The following ZNF730 variants were observed in gnomAD, a reference collection of about 807,000 sequenced individuals.
The protein encoded by ZNF730 is putative zinc finger protein 730.
ZNF730 carries 12 observed loss-of-function variants against 12.6 expected under a neutral mutation model. That is an observed-to-expected ratio of 0.95 (90% confidence interval 0.61 to 1.54). The LOEUF is 1.54. ZNF730 is among the 40% of genes most tolerant of loss of function. The pLI is 0.00. For missense variants in ZNF730, 643 were observed against 583.5 expected (o/e 1.10, Z -1.05); for synonymous variants, 194 against 195.8 (o/e 0.99, Z 0.08).
At chr19:23,095,269 T>C (rs1293654239) in intron 1 of ZNF730, 1 of 397,252 alleles carries the variant, frequency 2.5e-6, no homozygotes. Flanking sequence ...ACAGGGGACA[T>C]TGTGTAATAT....
chr19:23,145,461 T>C lies in ZNF730; in HGVS notation c.417T>C (p.Thr139=). 6.4e-7 allele frequency: 1 copy of C among 1,570,068 alleles called. No individual in the cohort carries two copies. Among genetic ancestry groups the C allele is most frequent in the Non-Finnish European group, 8.6e-7 (1 of 1,159,438 alleles). The change falls in exon 4 of 4, where the codon ACT becomes ACC. Residue 139 remains threonine (T), a synonymous_variant. Coordinates refer to ENST00000597761, the MANE Select transcript of ZNF730 (RefSeq NM_001277403.2). Reference sequence around the variant, plus strand: ...ATAGACATAACCAGTGTTTGACAACTTCCCATAGCAAAATATTTCAGTGTG... The same window carrying C: ...ATAGACATAACCAGTGTTTGACAACCTCCCATAGCAAAATATTTCAGTGTG... ...GYNRHNQCLT[T]SHSKIFQCDK... is the part of the protein sequence containing the mutation.
At chr19:23,079,155 AT>A (rs1306839381) in intron 1 of ZNF730, among the ~76,000 whole-genome samples, 2 of 151,510 alleles carry the variant, frequency 1.3e-5, no homozygotes, top group Non-Finnish European at 2.9e-5. Context: ...TTATGACACA[AT>A]TTTTTCTAGG....
rs140673034 is a variant in ZNF730, at chr19:23,127,130, G to A, written c.4-6950G>A. 4.1e-3 allele frequency: 2,059 copies of A among 507,696 alleles called. 12 individuals are homozygous for A. The highest frequency in any genetic ancestry group is 7.1e-3 in the Non-Finnish European group (1,849 of 259,440). The allele number at this position is 507,696 out of a possible 1,614,324, so 31.4% of individuals were successfully genotyped here. A position where few individuals can be genotyped will look rare whatever the true frequency, so the allele number is the denominator to read the frequency against. On this transcript the variant is annotated intron_variant, in intron 1 of 3. Coordinates refer to ENST00000597761, the MANE Select transcript of ZNF730 (RefSeq NM_001277403.2). ...GAGTTAGCAGATGCATCCTTATCTC[G>A]GTTATGATATTCTAAAAGAAATGTT...
chr19:23,121,657 G>A (rs757421215), intron 1 of ZNF730, among the ~76,000 whole-genome samples: 2 of 152,134 alleles, frequency 1.3e-5, no homozygotes, highest in Non-Finnish European at 2.9e-5. Context: ...TTTTATTCAT[G>A]TGCGTGCATG....
intron 1 of ZNF730, among the ~76,000 whole-genome samples, chr19:23,122,436 T>A (rs1970610792): frequency 6.6e-6 from 1 of 152,098 alleles, no homozygotes; most frequent in African/African-American, 2.4e-5. Context: ...AGCCACCACA[T>A]CGGGCCGTTT....
intron 1 of ZNF730, among the ~76,000 whole-genome samples, chr19:23,124,520 TATC>T (rs1191728393): frequency 6.6e-6 from 1 of 152,194 alleles, no homozygotes; most frequent in Non-Finnish European, 1.5e-5. Flanking sequence ...CTGCCTGGCT[TATC>T]ATTGGGCAAT....
upstream of ZNF730, among the ~76,000 whole-genome samples, chr19:23,116,611 G>A (rs980011618): frequency 5.9e-5 from 8 of 135,528 alleles, no homozygotes; most frequent in African/African-American, 2.2e-4. Flanking sequence ...TAGTAGAGAC[G>A]GGGTTTCACT....
At chr19:23,136,227 AT>A in intron 3 of ZNF730, 184 bp downstream of exon 3, 1 of 358,398 alleles carries the variant, frequency 2.8e-6, no homozygotes, top group African/African-American at 2.2e-5. Context: ...CTTTTGTTTT[AT>A]CTTTTTTAAA....
chr19:23,095,872 G>C (rs1970241772), intron 1 of ZNF730, among the ~76,000 whole-genome samples: 1 of 152,128 alleles, frequency 6.6e-6, no homozygotes, highest in Non-Finnish European at 1.5e-5. Context: ...TTATTACTGA[G>C]TTTAGCATAC....
chr19:23,081,537 C>T (rs1231084906), intron 1 of ZNF730, among the ~76,000 whole-genome samples: 76 of 152,142 alleles, frequency 5.0e-4, no homozygotes, highest in Admixed American at 8.5e-4. Flanking sequence ...CCAGGCTGGT[C>T]TCAAATTCCT....
chr19:23,093,535 CT>C (rs1309618171), intron 1 of ZNF730, among the ~76,000 whole-genome samples: 1 of 152,212 alleles, frequency 6.6e-6, no homozygotes, highest in South Asian at 2.1e-4. Flanking sequence ...GCTTCCCCCC[CT>C]CATTCTTGGG....
At chr19:23,136,913 G>A (rs1162353195) in intron 3 of ZNF730, among the ~76,000 whole-genome samples, 1 of 152,118 alleles carries the variant, frequency 6.6e-6, no homozygotes, top group Non-Finnish European at 1.5e-5. Context: ...GCTCACACCT[G>A]TAATCCCAGC....
chr19:23,116,933 TTAAACGTTATCCAATCGGGGACACTGG>T, upstream of ZNF730: 5 of 100,600 alleles, frequency 5.0e-5, no homozygotes, highest in East Asian at 4.6e-4. Flanking sequence ...GGGCGGGGCC[TTAAACGTTATCCAATCGGGGACACTGG>T]GCGGGGGGCC....
intron 1 of ZNF730, chr19:23,127,945 A>G (rs546385244): frequency 1.0e-4 from 73 of 700,828 alleles, no homozygotes; most frequent in Admixed American, 1.7e-4. Flanking sequence ...TTACACTGCA[A>G]TGTATTGTAC....
intron 1 of ZNF730, among the ~76,000 whole-genome samples, chr19:23,103,125 A>G (rs1336971556): frequency 1.3e-5 from 2 of 152,214 alleles, no homozygotes; most frequent in Admixed American, 1.3e-4. Flanking sequence ...TCATATATGA[A>G]CATCCGGCCA....
At chr19:23,113,070 A>C (rs530505529), upstream of ZNF730, among the ~76,000 whole-genome samples, 1 of 152,238 alleles carries the variant, frequency 6.6e-6, no homozygotes, top group African/African-American at 2.4e-5. Flanking sequence ...TGAATCATAT[A>C]ATTTCTTTGG....
intron 1 of ZNF730, chr19:23,127,889 A>T: frequency 1.5e-6 from 1 of 669,904 alleles, no homozygotes; most frequent in East Asian, 2.5e-5. Context: ...CACACAGCAT[A>T]TGCTCGTAAA....
chr19:23,130,679 T>C (rs2145646981), intron 1 of ZNF730, among the ~76,000 whole-genome samples: 1 of 151,716 alleles, frequency 6.6e-6, no homozygotes, highest in South Asian at 2.1e-4. Context: ...AAATGATTTG[T>C]TTAAATGGCT....
upstream of ZNF730, among the ~76,000 whole-genome samples, chr19:23,112,869 G>A (rs958527738): frequency 6.6e-6 from 1 of 152,222 alleles, no homozygotes. Flanking sequence ...ATTCAAAATA[G>A]GTTAAAGAGC....
Sources: gnomAD v4.1 joint callset for allele counts (sites outside exome capture counted in the v4.1 genomes callset) on GRCh38, gnomAD v4.1.1 for gene constraint, MANE v1.5 for transcripts, NCBI Gene and HGNC (gene_info 2026-07-23, HGNC 2026-07-21) for gene names.